Variants in PTTG1IP2 observed in about 807,000 individuals in gnomAD.
PTTG1IP2 encodes the protein PTTG1IP family member 2.
intron 1 of PTTG1IP2, among the ~76,000 whole-genome samples, chr7:90,477,474 G>A (rs562739376): frequency 2.6e-5 from 4 of 152,244 alleles, no homozygotes; most frequent in South Asian, 4.1e-4. Flanking sequence ...TCCTCTCTTC[G>A]CTCTTAGCCA....
At position 90,497,237 on chromosome 7, in the gene PTTG1IP2, G is replaced by T. The variant is rs1798002254; in HGVS notation, c.*50+2807G>T. On this transcript the variant is annotated intron_variant, in intron 6 of 6. Coordinates refer to ENST00000509356, the MANE Select transcript of PTTG1IP2 (RefSeq NM_001365443.2). ...GCTTAAGGCCAGGAGTTTGAAACCA[G>T]CCTGGTCAACAGAGCAAGATCTCAT... 2.0e-5 allele frequency among the ~76,000 whole-genome samples: 3 copies of T among 152,218 alleles called. No homozygotes were observed. In the South Asian group the frequency reaches 6.2e-4, roughly 32 times the overall value.
intron 6 of PTTG1IP2, among the ~76,000 whole-genome samples, chr7:90,506,785 A>C (rs1171299000): frequency 6.6e-6 from 1 of 152,096 alleles, no homozygotes; most frequent in Non-Finnish European, 1.5e-5. Context: ...TTATATTCTT[A>C]TTTTATTTTA....
In PTTG1IP2 at chr7:90,494,391, A is replaced by C. The variant is rs898847884; in HGVS notation, c.*11A>C. ...GTATATGATGAATAGATAATTGAAA[A>C]GAGATCCTCCAGAAAGAGCAGAAGG... On this transcript the variant is annotated 3_prime_UTR_variant, in exon 6 of 7. Transcript: ENST00000509356. 3.9e-5 allele frequency: 6 copies of C among 152,354 alleles called. No homozygotes were observed. Among genetic ancestry groups the C allele is most frequent in the African/African-American group, 1.4e-4 (6 of 41,596 alleles). The allele number at this position is 152,354 out of a possible 1,614,324, so 9.4% of individuals were successfully genotyped here. A position where few individuals can be genotyped will look rare whatever the true frequency, so the allele number is the denominator to read the frequency against.
At chr7:90,507,271 A>G (rs1423185489) in intron 6 of PTTG1IP2, among the ~76,000 whole-genome samples, 1 of 152,200 alleles carries the variant, frequency 6.6e-6, no homozygotes, top group African/African-American at 2.4e-5. Flanking sequence ...TGAAACCCTG[A>G]TAATAGTAAG....
intron 2 of PTTG1IP2, among the ~76,000 whole-genome samples, chr7:90,479,773 C>A (rs1459472200): frequency 6.6e-6 from 1 of 152,164 alleles, no homozygotes; most frequent in Admixed American, 6.5e-5. Flanking sequence ...AGGGAAATGG[C>A]CACTTTGTGT....
At chr7:90,472,307 CA>C (rs1562982531) in intron 1 of PTTG1IP2, among the ~76,000 whole-genome samples, 1,976 of 145,892 alleles carry the variant, frequency 0.014, 21 homozygotes, top group Non-Finnish European at 0.018. Flanking sequence ...CACACACACA[CA>C]CACACACACA....
intron 6 of PTTG1IP2, among the ~76,000 whole-genome samples, chr7:90,501,364 T>C (rs1798059211): frequency 6.6e-6 from 1 of 152,168 alleles, no homozygotes; most frequent in South Asian, 2.1e-4. Flanking sequence ...AAAAACAACA[T>C]ACATACCTTT....
At chr7:90,493,703 G>A (rs1797963668) in intron 5 of PTTG1IP2, among the ~76,000 whole-genome samples, 1 of 152,164 alleles carries the variant, frequency 6.6e-6, no homozygotes, top group South Asian at 2.1e-4. Flanking sequence ...AAAGGCTTGA[G>A]TAAGTGAAAC....
intron 6 of PTTG1IP2, among the ~76,000 whole-genome samples, chr7:90,494,798 A>C (rs940089062): frequency 2.0e-5 from 3 of 152,170 alleles, no homozygotes; most frequent in African/African-American, 7.2e-5. Context: ...GAGATCACTT[A>C]AGCTCAGTTC....
intron 1 of PTTG1IP2, among the ~76,000 whole-genome samples, chr7:90,478,096 C>CA (rs370035849): frequency 0.28 from 18,901 of 67,370 alleles, 2,439 homozygotes; most frequent in East Asian, 0.6. Flanking sequence ...GACTCCGTCT[C>CA]AAAAAAAAAA....
intron 1 of PTTG1IP2, among the ~76,000 whole-genome samples, chr7:90,474,804 A>G (rs1797728400): frequency 6.6e-6 from 1 of 152,246 alleles, no homozygotes; most frequent in Non-Finnish European, 1.5e-5. Context: ...AACACAATCA[A>G]GAATCATGAA....
intron 2 of PTTG1IP2, among the ~76,000 whole-genome samples, chr7:90,481,268 A>G (rs930444641): frequency 3.3e-4 from 51 of 152,312 alleles, no homozygotes; most frequent in African/African-American, 1.2e-3. Context: ...TGATACAGGC[A>G]TGCAATGCAT....
At chr7:90,505,759 T>A (rs986413487) in intron 6 of PTTG1IP2, among the ~76,000 whole-genome samples, 1 of 150,146 alleles carries the variant, frequency 6.7e-6, no homozygotes, top group Admixed American at 6.6e-5. Flanking sequence ...CCGAGGCGGG[T>A]GGATCATGAG....
chr7:90,486,175 G>A (rs1797872728), intron 2 of PTTG1IP2, among the ~76,000 whole-genome samples: 2 of 152,108 alleles, frequency 1.3e-5, no homozygotes, highest in Non-Finnish European at 2.9e-5. Flanking sequence ...AGCAAGAAGT[G>A]ATTGGGTGGG....
intron 6 of PTTG1IP2, among the ~76,000 whole-genome samples, chr7:90,499,138 C>T (rs1354318102): frequency 1.3e-5 from 2 of 152,186 alleles, no homozygotes; most frequent in African/African-American, 4.8e-5. Flanking sequence ...AGGCATGAGC[C>T]ACTGCACATG....
rs189619379 is a variant in PTTG1IP2, at chr7:90,481,227, T to C, written c.192+1953T>C. Among the ~76,000 whole-genome samples, 4 of 152,272 alleles carry C rather than the reference T, an allele frequency of 2.6e-5. No homozygotes were observed. In the East Asian group the frequency reaches 7.7e-4, roughly 29 times the overall value. ...TTATTTTTTGTGGGTACATAGTAGG[T>C]GTACATATTTATGGGGAACATGAGA... On this transcript the variant is annotated intron_variant, in intron 2 of 6. Coordinates refer to ENST00000509356, the MANE Select transcript of PTTG1IP2 (RefSeq NM_001365443.2).
chr7:90,490,176 CT>C (rs1439486126), intron 4 of PTTG1IP2, among the ~76,000 whole-genome samples: 1 of 151,838 alleles, frequency 6.6e-6, no homozygotes, highest in Non-Finnish European at 1.5e-5. Context: ...GGAGTACCTC[CT>C]CAAGTAAATT....
intron 6 of PTTG1IP2, among the ~76,000 whole-genome samples, chr7:90,500,628 A>G (rs1044059918): frequency 1.3e-5 from 2 of 152,322 alleles, no homozygotes; most frequent in Non-Finnish European, 1.5e-5. Flanking sequence ...ATGTAGTCAC[A>G]AGGGAGGCCT....
At chr7:90,483,588 T>G (rs772709744) in intron 2 of PTTG1IP2, among the ~76,000 whole-genome samples, 3 of 152,206 alleles carry the variant, frequency 2.0e-5, no homozygotes, top group Non-Finnish European at 4.4e-5. Flanking sequence ...GAAGTACTTA[T>G]TCTGTGCTTA....
Sources: allele counts gnomAD v4.1 joint callset (sites outside exome capture counted in the v4.1 genomes callset), GRCh38; gene constraint gnomAD v4.1.1; transcripts MANE v1.5; gene names NCBI Gene and HGNC (gene_info 2026-07-23, HGNC 2026-07-21).